TMEM132D: variants seen among roughly 807,000 people sequenced by gnomAD.
TMEM132D encodes mature OL transmembrane protein.
TMEM132D carries 21 observed loss-of-function variants against 62.3 expected under a neutral mutation model. That is an observed-to-expected ratio of 0.34 (90% CI 0.24 to 0.49). The LOEUF (loss-of-function observed/expected upper bound fraction) is 0.49. Ranked by LOEUF, TMEM132D falls within the 20% of genes least tolerant of loss-of-function variation. The pLI, the probability that TMEM132D is intolerant of heterozygous loss-of-function variation, is 0.99. For missense variants in TMEM132D, 1,346 were observed against 1,402.8 expected, an observed-to-expected ratio of 0.96 and a Z score of 0.65; for synonymous variants, 621 against 575.6, an observed-to-expected ratio of 1.08 and a Z score of -1.13.
chr12:129,207,968 C>T (rs1395838800), intron 5 of TMEM132D, among the ~76,000 whole-genome samples: 3 of 152,114 alleles, frequency 2.0e-5, no homozygotes, highest in South Asian at 2.1e-4. Context: ...TGTAAACTGT[C>T]ATCACCCAAC....
chr12:129,357,549 A>G (rs1870110682), intron 3 of TMEM132D, among the ~76,000 whole-genome samples: 1 of 151,490 alleles, frequency 6.6e-6, no homozygotes, highest in South Asian at 2.1e-4. Context: ...GAAAGAAAAG[A>G]AAGAAAGGAA....
At chr12:129,234,506 T>C (rs1424054878) in intron 4 of TMEM132D, among the ~76,000 whole-genome samples, 1 of 152,236 alleles carries the variant, frequency 6.6e-6, no homozygotes, top group Admixed American at 6.5e-5. Flanking sequence ...GCTTTCAAAG[T>C]GTGTGCCTTG....
At position 129,862,224 on chromosome 12, in the gene TMEM132D, A is replaced by G. The variant is rs149096942; in HGVS notation, c.79+41037T>C. ...AAATAAACCTGTTGGCCAGTTACAGAATGGTTTTGAAGGCTGGTTTAGGAA... is the reference window on the plus strand; with the variant it reads ...AAATAAACCTGTTGGCCAGTTACAGGATGGTTTTGAAGGCTGGTTTAGGAA... On this transcript the variant is annotated intron_variant, in intron 1 of 8. Transcript: ENST00000422113. Among the ~76,000 whole-genome samples the G allele has an allele frequency of 8.6e-4, 131 of 152,324 alleles. No individual in the cohort carries two copies. The East Asian group carries it at 0.018, about 21-fold the overall frequency.
intron 3 of TMEM132D, among the ~76,000 whole-genome samples, chr12:129,487,518 G>A (rs912145361): frequency 1.3e-5 from 2 of 152,108 alleles, no homozygotes; most frequent in African/African-American, 4.8e-5. Flanking sequence ...GCAGTGCCTG[G>A]AACTTCCTAC....
intron 1 of TMEM132D, among the ~76,000 whole-genome samples, chr12:129,786,098 A>C (rs1363265892): frequency 6.6e-6 from 1 of 152,128 alleles, no homozygotes; most frequent in Non-Finnish European, 1.5e-5. Flanking sequence ...CTCTCAGCTC[A>C]GCATCCTTCC....
intron 2 of TMEM132D, among the ~76,000 whole-genome samples, chr12:129,653,912 C>T (rs11060483): frequency 0.24 from 35,861 of 152,020 alleles, 4,556 homozygotes; most frequent in Admixed American, 0.29. Context: ...CTTTTTCTGT[C>T]CCAGAATCTC....
intron 1 of TMEM132D, among the ~76,000 whole-genome samples, chr12:129,871,222 G>A (rs766179035): frequency 3.9e-5 from 6 of 152,088 alleles, no homozygotes; most frequent in African/African-American, 7.2e-5. Flanking sequence ...TTCAAATCCC[G>A]TGAGAGTGAA....
rs1324550537 is a variant in TMEM132D, at chr12:129,161,809, T to A, written c.1443+47711A>T. Reference sequence around the variant, plus strand: ...CACCTATGTCCTGAGAGTGGAGCATTGAAAACGCTGTAGTCTTCTAAAGCA... The same window carrying A: ...CACCTATGTCCTGAGAGTGGAGCATAGAAAACGCTGTAGTCTTCTAAAGCA... On this transcript the variant is annotated intron_variant, in intron 5 of 8. Coordinates refer to ENST00000422113, the MANE Select transcript of TMEM132D (RefSeq NM_133448.3). Among the ~76,000 whole-genome samples, 4 of 152,268 alleles carry A rather than the reference T, an allele frequency of 2.6e-5. No individual in the cohort carries two copies. In the East Asian group the frequency reaches 7.7e-4, roughly 29 times the overall value.
At chr12:129,238,996 GTTTTT>G (rs1555240386) in intron 4 of TMEM132D, among the ~76,000 whole-genome samples, 1 of 133,046 alleles carries the variant, frequency 7.5e-6, no homozygotes, top group African/African-American at 2.8e-5. Flanking sequence ...GTTATTTTCT[GTTTTT>G]TTTTTTTTTT....
chr12:129,538,736 C>A (rs1334250185), intron 2 of TMEM132D, among the ~76,000 whole-genome samples: 1 of 152,206 alleles, frequency 6.6e-6, no homozygotes, highest in South Asian at 2.1e-4. Flanking sequence ...CTTAGGATGA[C>A]GATGAGAGGT....
intron 4 of TMEM132D, among the ~76,000 whole-genome samples, chr12:129,242,656 G>T (rs1879966794): frequency 6.6e-6 from 1 of 151,856 alleles, no homozygotes; most frequent in Non-Finnish European, 1.5e-5. Context: ...ATTTACCCAG[G>T]CTTTTAAAGC....
chr12:129,197,548 A>G (rs1878582641), intron 5 of TMEM132D, among the ~76,000 whole-genome samples: 1 of 152,210 alleles, frequency 6.6e-6, no homozygotes, highest in Non-Finnish European at 1.5e-5. Context: ...ATGGGAAAGG[A>G]CAGTCTCTTC....
At chr12:129,712,469 A>G (rs1868406957) in intron 1 of TMEM132D, among the ~76,000 whole-genome samples, 1 of 152,206 alleles carries the variant, frequency 6.6e-6, no homozygotes, top group African/African-American at 2.4e-5. Context: ...AATTAGGGGA[A>G]GAGCTACATT....
intron 2 of TMEM132D, among the ~76,000 whole-genome samples, chr12:129,688,289 A>G (rs140489737): frequency 1.3e-5 from 2 of 152,314 alleles, no homozygotes; most frequent in African/African-American, 4.8e-5. Context: ...CTACCTAATC[A>G]GCTTATCTCC....
intron 2 of TMEM132D, among the ~76,000 whole-genome samples, chr12:129,656,776 ATAGT>A (rs1441300855): frequency 3.3e-5 from 5 of 152,330 alleles, no homozygotes; most frequent in Non-Finnish European, 5.9e-5. Context: ...AACCCATTTA[ATAGT>A]TAATCACTTA....
chr12:129,762,684 G>A (rs1270051228), intron 1 of TMEM132D, among the ~76,000 whole-genome samples: 1 of 152,186 alleles, frequency 6.6e-6, no homozygotes, highest in East Asian at 1.9e-4. Flanking sequence ...AACCTGGCCC[G>A]GTTCACTGGA....
At chr12:129,274,008 T>G (rs1448806049) in intron 4 of TMEM132D, among the ~76,000 whole-genome samples, 1 of 151,856 alleles carries the variant, frequency 6.6e-6, no homozygotes, top group Non-Finnish European at 1.5e-5. Flanking sequence ...ATACCACTAA[T>G]TTAGACATAC....
At chr12:129,216,980 C>T (rs181837884) in intron 4 of TMEM132D, among the ~76,000 whole-genome samples, 13 of 152,124 alleles carry the variant, frequency 8.5e-5, no homozygotes, top group African/African-American at 9.6e-5. Flanking sequence ...TTTTTTGTAA[C>T]GGGAAAAAAC....
intron 2 of TMEM132D, among the ~76,000 whole-genome samples, chr12:129,689,126 G>C (rs1017435727): frequency 6.6e-5 from 10 of 152,192 alleles, no homozygotes; most frequent in Admixed American, 5.9e-4. Flanking sequence ...GTATGAGGTT[G>C]AGAAACCTAT....
Sources: gnomAD v4.1 joint callset for allele counts (sites outside exome capture counted in the v4.1 genomes callset) on GRCh38, gnomAD v4.1.1 for gene constraint, MANE v1.5 for transcripts, NCBI Gene and HGNC (gene_info 2026-07-23, HGNC 2026-07-21) for gene names.